Variants in MYO10 observed in about 807,000 individuals in gnomAD.
The protein encoded by MYO10 is myosin X.
Under a neutral mutation model 257.3 loss-of-function variants are expected in MYO10, and 133 were observed. That is an observed-to-expected ratio of 0.52 (90% confidence interval 0.45 to 0.60). The LOEUF (loss-of-function observed/expected upper bound fraction) is 0.60, where lower values mean the gene tolerates loss of function less well. Ranked by LOEUF, MYO10 falls within the 20% of genes least tolerant of loss-of-function variation. The probability of loss-of-function intolerance (pLI) is 0.00; values close to 1 mark genes in which losing one functional copy is unlikely to be tolerated. For missense variants in MYO10, 2,399 were observed against 2,635.7 expected (o/e 0.91, Z 1.97); for synonymous variants, 1,104 against 1,028.6 (o/e 1.07, Z -1.40).
At chr5:16,737,760 G>A (rs763860146) in intron 19 of MYO10, among the ~76,000 whole-genome samples, 2 of 152,164 alleles carry the variant, frequency 1.3e-5, no homozygotes, top group South Asian at 2.1e-4. Context: ...TGTTACTAGC[G>A]TCTAGCAGGT....
chr5:16,688,584 TACA>T (rs1281413841), intron 28 of MYO10, among the ~76,000 whole-genome samples: 6 of 151,574 alleles, frequency 4.0e-5, no homozygotes, highest in South Asian at 4.2e-4. Context: ...CTATAAAAAA[TACA>T]ACATTTGCCA....
At chr5:16,839,749 T>G (rs1051950231) in intron 2 of MYO10, among the ~76,000 whole-genome samples, 2 of 152,040 alleles carry the variant, frequency 1.3e-5, no homozygotes, top group South Asian at 4.2e-4. Context: ...TCAAAAAAAA[T>G]AAATTAATTA....
At position 16,889,189 on chromosome 5, in the gene MYO10, T is replaced by TAA. The variant is rs34138785; in HGVS notation, c.22-11484_22-11483dup. 2.6e-3 allele frequency among the ~76,000 whole-genome samples: 151 copies of TAA among 59,118 alleles called. 1 individual carries two copies. The South Asian group carries it at 0.033, about 13-fold the overall frequency. The allele number at this position is 59,118 out of a possible 152,430, so 38.8% of individuals were successfully genotyped here. A position where few individuals can be genotyped will look rare whatever the true frequency, so the allele number is the denominator to read the frequency against. On this transcript the variant is annotated intron_variant, in intron 1 of 40. Coordinates refer to ENST00000513610, the MANE Select transcript of MYO10 (RefSeq NM_012334.3). Reference sequence around the variant, plus strand: ...CCCTGCCTCAAAATTTAAAAAAATTTAAAAAAAAAAAAAAAAAATCAGCCT... The same window carrying TAA: ...CCCTGCCTCAAAATTTAAAAAAATTTAAAAAAAAAAAAAAAAAAAATCAGCCT...
intron 4 of MYO10, among the ~76,000 whole-genome samples, chr5:16,784,273 G>A (rs549710249): frequency 3.9e-5 from 6 of 152,342 alleles, no homozygotes; most frequent in South Asian, 2.1e-4. Flanking sequence ...GACGAAAGGC[G>A]GCAGAGAAGA....
At chr5:16,824,460 ATAG>A (rs1742942555) in intron 2 of MYO10, among the ~76,000 whole-genome samples, 1 of 152,198 alleles carries the variant, frequency 6.6e-6, no homozygotes, top group African/African-American at 2.4e-5. Flanking sequence ...CAAAATGACA[ATAG>A]TACGGTCTAG....
chr5:16,911,929 T>C (rs1249810427), intron 1 of MYO10, among the ~76,000 whole-genome samples: 1 of 152,050 alleles, frequency 6.6e-6, no homozygotes, highest in African/African-American at 2.4e-5. Context: ...TCCCAGCTAC[T>C]TGGGAGGCTG....
At chr5:16,733,164 C>G (rs997404427) in intron 19 of MYO10, among the ~76,000 whole-genome samples, 6 of 151,862 alleles carry the variant, frequency 4.0e-5, no homozygotes, top group Non-Finnish European at 8.8e-5. Flanking sequence ...ACAACAACAA[C>G]AACAAAAATA....
chr5:16,737,449 G>A (rs1739849427), intron 19 of MYO10, among the ~76,000 whole-genome samples: 1 of 152,046 alleles, frequency 6.6e-6, no homozygotes, highest in Admixed American at 6.5e-5. Context: ...CTCCTAACAC[G>A]ACTTACTAAA....
intron 36 of MYO10, among the ~76,000 whole-genome samples, chr5:16,673,297 T>TA (rs1215303579): frequency 1.3e-5 from 2 of 151,894 alleles, no homozygotes; most frequent in African/African-American, 4.8e-5. Context: ...GTTCAAATTT[T>TA]AAAAAGAAAA....
Position 16,699,464 on chromosome 5 carries a change from A to G in MYO10, c.3542T>C (p.Phe1181Ser), listed in dbSNP as rs756215362. The G allele has an allele frequency of 5.0e-6, 8 of 1,613,846 alleles. No individual in the cohort carries two copies. In the Admixed American group the frequency reaches 1.3e-4, roughly 27 times the overall value. ...TGCAGTCATACCTTTCATGTACAGA[A>G]AGCTGTGGAAATACGGCAGAGTGAC... Reference protein sequence around the residue: ...SCVTLPYFHSFLYMKGGLMNS... With the variant: ...SCVTLPYFHSSLYMKGGLMNS... The change falls in exon 26 of 41, where the codon TTT (phenylalanine) becomes TCT (serine). Residue 1181 changes from phenylalanine to serine, a missense_variant. Physicochemically the swap from Phe to Ser is radical, Grantham distance 155 (BLOSUM62 -2). Transcript: ENST00000513610.
At chr5:16,685,695 G>GCCAT in intron 29 of MYO10, 43 bp downstream of exon 29, 1 of 1,028,098 alleles carries the variant, frequency 9.7e-7, no homozygotes, top group Non-Finnish European at 1.4e-6. Flanking sequence ...CCCCGTCCCT[G>GCCAT]CCCCTAGACG....
intron 2 of MYO10, among the ~76,000 whole-genome samples, chr5:16,876,674 C>A (rs1744613066): frequency 6.6e-6 from 1 of 152,116 alleles, no homozygotes; most frequent in Admixed American, 6.5e-5. Context: ...TCTGCCTCAG[C>A]CCCCCAATTA....
chr5:16,808,563 A>C (rs2126695024), intron 3 of MYO10, among the ~76,000 whole-genome samples: 1 of 152,358 alleles, frequency 6.6e-6, no homozygotes, highest in East Asian at 1.9e-4. Flanking sequence ...CCATCTCAAG[A>C]GACAAGCTGT....
chr5:16,699,815 G>GGAAAAA (rs1737959162), intron 25 of MYO10, among the ~76,000 whole-genome samples: 3 of 142,166 alleles, frequency 2.1e-5, no homozygotes, highest in African/African-American at 7.9e-5. Context: ...AAAGGGAAAA[G>GGAAAAA]GAAAAAGAAA....
chr5:16,886,078 A>G (rs978274860), intron 1 of MYO10, among the ~76,000 whole-genome samples: 1 of 152,232 alleles, frequency 6.6e-6, no homozygotes, highest in Non-Finnish European at 1.5e-5. Flanking sequence ...TCATTTCTGA[A>G]GAACTGCATC....
intron 1 of MYO10, among the ~76,000 whole-genome samples, chr5:16,905,453 T>G (rs1745495234): frequency 6.6e-6 from 1 of 151,990 alleles, no homozygotes; most frequent in Non-Finnish European, 1.5e-5. Flanking sequence ...AAAAGGAATA[T>G]TCTCCCAACC....
intron 35 of MYO10, among the ~76,000 whole-genome samples, chr5:16,674,427 C>T (rs1334995713): frequency 1.3e-5 from 2 of 152,282 alleles, no homozygotes; most frequent in East Asian, 3.9e-4. Flanking sequence ...CGAGATCATG[C>T]CATTGCACTC....
chr5:16,734,917 C>G (rs956363960), intron 19 of MYO10, among the ~76,000 whole-genome samples: 1 of 152,124 alleles, frequency 6.6e-6, no homozygotes, highest in African/African-American at 2.4e-5. Flanking sequence ...AGAGTCTGAG[C>G]CAGGAGTTTT....
intron 19 of MYO10, among the ~76,000 whole-genome samples, chr5:16,736,323 T>C (rs1000719313): frequency 6.6e-6 from 1 of 152,214 alleles, no homozygotes; most frequent in Non-Finnish European, 1.5e-5. Context: ...CCAGAGTTTA[T>C]GTAAACCAGG....
Sources: allele counts gnomAD v4.1 joint callset (sites outside exome capture counted in the v4.1 genomes callset), GRCh38; gene constraint gnomAD v4.1.1; transcripts MANE v1.5; gene names NCBI Gene and HGNC (gene_info 2026-07-23, HGNC 2026-07-21).